The following SH2D6 variants were observed in gnomAD, a reference collection of about 807,000 sequenced individuals.
SH2D6 encodes SH2 domain containing 6.
SH2D6 carries 31 observed loss-of-function variants against 30.2 expected under a neutral mutation model. The observed-to-expected ratio is 1.03, with a 90% CI of 0.77 to 1.38. The LOEUF (loss-of-function observed/expected upper bound fraction) is 1.38. Ranked by LOEUF, SH2D6 falls within the 40% of genes most tolerant of loss-of-function variation. The pLI is 0.00. For synonymous variants in SH2D6, 93 were observed against 104.6 expected (o/e 0.89, Z 0.68); for missense variants, 240 against 266.8 (o/e 0.90, Z 0.70).
chr2:85,436,353 A>C, intron 22 of SH2D6, 113 bp from the exon 23 acceptor site: 162 of 729,138 alleles, frequency 2.2e-4, no homozygotes, highest in East Asian at 3.0e-4. Flanking sequence ...ACAGGAAGGA[A>C]GATATCTAGA....
chr2:85,435,011 G>GCCCCCCCCCCCCC, intron 19 of SH2D6, 54 bp from the exon 20 acceptor site: 1 of 932,140 alleles, frequency 1.1e-6, no homozygotes, highest in Non-Finnish European at 1.4e-6. Flanking sequence ...AGCCACCTTT[G>GCCCCCCCCCCCCC]CCCACCCCCA....
Position 85,419,245 on chromosome 2 carries a change from G to A in SH2D6, c.-577+1G>A, listed in dbSNP as rs1687660040. ...ATCAATTTTACATGGCAGAGTCAAG[G>A]TGAGGTTAGGAGGCTGCCAGGAGGT... On this transcript the variant is annotated splice_donor_variant, in intron 2 of 23. Coordinates refer to ENST00000469800, the MANE Select transcript of SH2D6 (RefSeq NM_001394463.1). LOFTEE classifies it low-confidence loss of function (5UTR_SPLICE). 1.3e-5 allele frequency: 2 copies of A among 152,522 alleles called. No homozygotes were observed. Among genetic ancestry groups the A allele is most frequent in the South Asian group, 2.1e-4 (1 of 4,836 alleles). The allele number at this position is 152,522 out of a possible 1,614,324, so 9.4% of individuals were successfully genotyped here. A position where few individuals can be genotyped will look rare whatever the true frequency, so the allele number is the denominator to read the frequency against.
chr2:85,432,432 T>C (rs13024521), intron 14 of SH2D6, among the ~76,000 whole-genome samples: 104,309 of 149,286 alleles, frequency 0.7, 37,471 homozygotes, highest in African/African-American at 0.86. Context: ...GACGGAGTCT[T>C]GCTGTCGCCC....
At position 85,435,695 on chromosome 2, in the gene SH2D6, A is replaced by G; in HGVS notation, c.762A>G (p.Ser254=). 2 of 1,612,666 alleles carry G rather than the reference A, an allele frequency of 1.2e-6. No homozygotes were observed. Among genetic ancestry groups the G allele is most frequent in the Non-Finnish European group, 1.7e-6 (2 of 1,179,462 alleles). The part of the protein sequence containing the change: ...KDGAYTVRPS[S]GPHGSQPFTL... ...GGGCCTATACCGTGCGCCCCAGCTC[A>G]GGGCCTCATGGCTCCCAGCCCTTCA... Residue 254 remains serine (S), a synonymous_variant, in exon 22 of 24, where the codon TCA becomes TCG. Coordinates refer to ENST00000469800, the MANE Select transcript of SH2D6 (RefSeq NM_001394463.1).
intron 20 of SH2D6, 31 bp downstream of exon 20, chr2:85,435,154 A>C (rs1459497544): frequency 6.2e-7 from 1 of 1,601,790 alleles, no homozygotes; most frequent in Non-Finnish European, 8.5e-7. Context: ...GGCTGTAGGG[A>C]GAGGTTCCGG....
At chr2:85,420,388 G>A (rs762481514) in intron 2 of SH2D6, among the ~76,000 whole-genome samples, 3 of 152,154 alleles carry the variant, frequency 2.0e-5, no homozygotes, top group Non-Finnish European at 2.9e-5. Context: ...CCAAAGTGCC[G>A]GGATTACAGG....
chr2:85,434,640 G>C, intron 19 of SH2D6, 143 bp downstream of exon 19: 1 of 1,182,968 alleles, frequency 8.5e-7, no homozygotes, highest in Non-Finnish European at 1.2e-6. Flanking sequence ...AAAAAACTAG[G>C]TGAATGCAGG....
chr2:85,432,488 C>A (rs1168525961), intron 14 of SH2D6, among the ~76,000 whole-genome samples: 1 of 151,716 alleles, frequency 6.6e-6, no homozygotes, highest in Admixed American at 6.6e-5. Context: ...CAGGCTCCGC[C>A]CCCTGGGGTT....
rs1687789011 is a variant in SH2D6, at chr2:85,422,681, G to GGCAGGACA, written c.-316_-309dup. The GGCAGGACA allele has an allele frequency of 6.5e-6, 1 of 152,920 alleles. No individual in the cohort carries two copies. The highest frequency in any genetic ancestry group is 1.9e-4 in the East Asian group (1 of 5,210). The allele number at this position is 152,920 out of a possible 1,614,324, so 9.5% of individuals were successfully genotyped here. The stretch of plus-strand genomic sequence containing the variant: ...GAGCAAAGGTTCCGGAACAGGGCAG[G>GGCAGGACA]GCAGGACAGGTGAGTGGGACAGAGG... On this transcript the variant is annotated 5_prime_UTR_variant, in exon 5 of 24. The change abolishes the stop of an existing upstream ORF in the 5' untranslated region. Coordinates refer to ENST00000469800, the MANE Select transcript of SH2D6 (RefSeq NM_001394463.1).
chr2:85,434,870 C>A, intron 19 of SH2D6, 195 bp from the exon 20 acceptor site: 1 of 1,534,488 alleles, frequency 6.5e-7, no homozygotes, highest in South Asian at 1.3e-5. Context: ...TTGGAGGTCA[C>A]ACGAGGCCTG....
intron 17 of SH2D6, 51 bp from the exon 18 acceptor site, chr2:85,434,289 C>T (rs1689125067): frequency 3.6e-5 from 55 of 1,522,628 alleles, no homozygotes; most frequent in Non-Finnish European, 4.7e-5. Flanking sequence ...GGCCCTTTCT[C>T]TTGAAAAACA....
intron 5 of SH2D6, among the ~76,000 whole-genome samples, chr2:85,424,990 T>G (rs1300726648): frequency 6.6e-6 from 1 of 150,922 alleles, no homozygotes; most frequent in East Asian, 2.0e-4. Context: ...CGCTTGAACC[T>G]GGGAGGCAGA....
At chr2:85,432,492 T>TG (rs1423773639) in intron 14 of SH2D6, among the ~76,000 whole-genome samples, 1 of 151,450 alleles carries the variant, frequency 6.6e-6, no homozygotes, top group East Asian at 1.9e-4. Flanking sequence ...CTCCGCCCCC[T>TG]GGGGTTCACG....
chr2:85,435,799 G>T lies in SH2D6; in HGVS notation c.866G>T (p.Gly289Val). 6.2e-7 allele frequency: 1 copy of T among 1,600,076 alleles called. No individual in the cohort carries two copies. Among genetic ancestry groups the T allele is most frequent in the South Asian group, 1.1e-5 (1 of 89,410 alleles). The stretch of plus-strand genomic sequence containing the variant: ...GATGGCGGACGCCACTATGCCCTGG[G>T]CCGGGAGGGCAGGAACCGTGAGGAG... ...RLDGGRHYALGREGRNREELF... is the reference protein window; with the variant it reads ...RLDGGRHYALVREGRNREELF... Residue 289 changes from glycine to valine, a missense_variant, in exon 22 of 24, where the codon GGC (glycine) becomes GTC (valine). Coordinates refer to ENST00000469800, the MANE Select transcript of SH2D6 (RefSeq NM_001394463.1).
rs1199785042 is a variant in SH2D6, at chr2:85,418,746, C to T, written c.-977C>T. The T allele has an allele frequency of 6.6e-6, 1 of 152,366 alleles. No individual in the cohort carries two copies. The highest frequency in any genetic ancestry group is 1.9e-4 in the East Asian group (1 of 5,176). The allele number at this position is 152,366 out of a possible 1,614,324, so 9.4% of individuals were successfully genotyped here. On this transcript the variant is annotated 5_prime_UTR_variant, in exon 1 of 24. Transcript: ENST00000469800. ...GGGGCCTTGGGTGCTGATCCGGACG[C>T]AAAGATTGCGCCAGCCAGGGTGGGA... is the stretch of plus-strand genomic sequence containing the variant.
intron 14 of SH2D6, 86 bp from the exon 15 acceptor site, chr2:85,433,013 G>C: frequency 1.0e-6 from 1 of 980,894 alleles, no homozygotes; most frequent in South Asian, 4.7e-5. Context: ...ACCCTAAGGA[G>C]ACTCTGCTTT....
chr2:85,421,041 C>T (rs1687730972), intron 2 of SH2D6, among the ~76,000 whole-genome samples: 1 of 152,240 alleles, frequency 6.6e-6, no homozygotes, highest in African/African-American at 2.4e-5. Flanking sequence ...TTGGAGACGT[C>T]GGGGAGCCAC....
At chr2:85,423,357 G>C (rs1181161212) in intron 5 of SH2D6, among the ~76,000 whole-genome samples, 2 of 151,990 alleles carry the variant, frequency 1.3e-5, no homozygotes, top group African/African-American at 4.8e-5. Context: ...TCAGCCTCCC[G>C]TGTAAGTGGG....
At chr2:85,424,097 G>A (rs982722448) in intron 5 of SH2D6, among the ~76,000 whole-genome samples, 1 of 152,136 alleles carries the variant, frequency 6.6e-6, no homozygotes, top group Non-Finnish European at 1.5e-5. Context: ...ATTTCCTCAG[G>A]GACAGACCTC....
Sources: gnomAD v4.1 joint callset for allele counts (sites outside exome capture counted in the v4.1 genomes callset) on GRCh38, gnomAD v4.1.1 for gene constraint, MANE v1.5 for transcripts, NCBI Gene and HGNC (gene_info 2026-07-23, HGNC 2026-07-21) for gene names.